Variants in TICAM1 observed in about 807,000 individuals in gnomAD.
TICAM1 encodes TIR domain-containing adapter molecule 1.
For synonymous variants in TICAM1, 439 were observed against 415.4 expected (o/e 1.06, Z -0.69); for missense variants, 895 against 938.2 (o/e 0.95, Z 0.60).
rs2093588035 is a variant in TICAM1 at position 4,817,293 on chromosome 19, G to A, written c.1085C>T (p.Pro362Leu). 6.2e-7 allele frequency: 1 copy of A among 1,613,532 alleles called. No homozygotes were observed. Among genetic ancestry groups the A allele is most frequent in the Non-Finnish European group, 8.5e-7 (1 of 1,179,914 alleles). The change falls in exon 2 of 2, where the codon CCT becomes CTT. Residue 362 changes from proline (P) to leucine (L), a missense_variant. By Grantham distance (98) the Pro-to-Leu change is moderately conservative. Transcript: ENST00000248244. The surrounding 1 kb of genome is among the most constrained non-coding windows in gnomAD (Gnocchi z 4.7). ...AGTAGATGAAGGAGGAGGAGGAGGA[G>A]GAGGAGGGGATGTTTCTGGGGTGGT... ...TPTTPETSPP[P>L]PPPPPSSTPC...
chr19:4,823,406 A>C lies in TICAM1; in HGVS notation c.-139-4890T>G, dbSNP rs192556760. Among the ~76,000 whole-genome samples, 207 of 150,676 alleles carry C rather than the reference A, an allele frequency of 1.4e-3. 1 individual carries two copies. The highest frequency in any genetic ancestry group is 4.9e-3 in the African/African-American group (201 of 40,846). On this transcript the variant is annotated intron_variant, in intron 1 of 1. Coordinates refer to ENST00000248244, the MANE Select transcript of TICAM1 (RefSeq NM_182919.4). ...CGTGAACCTGGGAGGCGGAGCTTACATTGAGCCAAGATAGCGCCACTGCAC... is the reference window on the plus strand; with the variant it reads ...CGTGAACCTGGGAGGCGGAGCTTACCTTGAGCCAAGATAGCGCCACTGCAC...
chr19:4,821,651 T>C (rs553611148), intron 1 of TICAM1, among the ~76,000 whole-genome samples: 1 of 151,804 alleles, frequency 6.6e-6, no homozygotes, highest in South Asian at 2.1e-4. Context: ...ACGATTTTTT[T>C]TTTTTTTTTT....
chr19:4,823,231 G>A (rs1432855748), intron 1 of TICAM1, among the ~76,000 whole-genome samples: 2 of 152,048 alleles, frequency 1.3e-5, no homozygotes, highest in Non-Finnish European at 1.5e-5. Context: ...TTGGGAGGCC[G>A]AGGTGGGCAG....
intron 1 of TICAM1, among the ~76,000 whole-genome samples, chr19:4,825,914 A>C (rs2093604761): frequency 1.3e-5 from 2 of 152,126 alleles, no homozygotes; most frequent in African/African-American, 4.8e-5. Flanking sequence ...AGCCAAGATC[A>C]CACCATTGCA....
At position 4,817,701 on chromosome 19, in the gene TICAM1, C is replaced by G. The variant is rs1297831092; in HGVS notation, c.677G>C (p.Gly226Ala). 1 of 1,592,492 alleles carries G rather than the reference C, an allele frequency of 6.3e-7. No homozygotes were observed. Among genetic ancestry groups the G allele is most frequent in the Non-Finnish European group, 8.5e-7 (1 of 1,170,848 alleles). Reference sequence around the variant, plus strand: ...GGGGTCGTCACAGAGCTTGCTGGGCCCATGTGGGCTGCGGTGCAGGCTGAG... The same window carrying G: ...GGGGTCGTCACAGAGCTTGCTGGGCGCATGTGGGCTGCGGTGCAGGCTGAG... ...PFLSLHRSPHGPSKLCDDPQA... is the reference protein window; with the variant it reads ...PFLSLHRSPHAPSKLCDDPQA... Residue 226 changes from glycine to alanine, a missense_variant, in exon 2 of 2, where the codon GGG (glycine) becomes GCG (alanine). Gly to Ala is a moderately conservative substitution (Grantham distance 60). Transcript: ENST00000248244. This position sits in a 1 kb window ranked among gnomAD's most constrained non-coding sequence, Gnocchi z 4.7.
chr19:4,831,164 G>C (rs756203786), intron 1 of TICAM1, among the ~76,000 whole-genome samples: 2 of 151,834 alleles, frequency 1.3e-5, no homozygotes, highest in African/African-American at 2.4e-5. Context: ...GAGGAATTTG[G>C]GGTATCAGGG....
At position 4,816,358 on chromosome 19, in the gene TICAM1, G is replaced by T. The variant is rs2146167027; in HGVS notation, c.2020C>A (p.Pro674Thr). 1 of 1,587,892 alleles carries T rather than the reference G, an allele frequency of 6.3e-7. No individual in the cohort carries two copies. Among genetic ancestry groups the T allele is most frequent in the East Asian group, 2.2e-5 (1 of 44,706 alleles). Residue 674 changes from proline (P) to threonine (T), a missense_variant, in exon 2 of 2, where the codon CCA becomes ACA. By Grantham distance (38) the Pro-to-Thr change is conservative. Transcript: ENST00000248244. This position sits in a 1 kb window ranked among gnomAD's most constrained non-coding sequence, Gnocchi z 4.3. The part of the protein sequence containing the change: ...PTASPAPPQS[P>T]GLQPLIIHHA... ...TGGATAATGAGGGGTTGCAGCCCTG[G>T]GCTCTGAGGGGGTGCGGGTGAGGCC... is the stretch of plus-strand genomic sequence containing the variant.
rs376421303 is a variant in TICAM1, at chr19:4,816,328, C to T, written c.2050G>A (p.Ala684Thr). Reference protein sequence around the residue: ...PGLQPLIIHHAQMVQLGLNNH... With the variant: ...PGLQPLIIHHTQMVQLGLNNH... ...TTCAGCCCCAGCTGTACCATCTGTG[C>T]GTGGTGGATAATGAGGGGTTGCAGC... Residue 684 changes from alanine (A) to threonine (T), a missense_variant, in exon 2 of 2, where the codon GCA becomes ACA. Coordinates refer to ENST00000248244, the MANE Select transcript of TICAM1 (RefSeq NM_182919.4). The surrounding 1 kb of genome is among the most constrained non-coding windows in gnomAD (Gnocchi z 4.3). 6 of 1,575,020 alleles carry T rather than the reference C, an allele frequency of 3.8e-6. No homozygotes were observed. The highest frequency in any genetic ancestry group is 5.2e-6 in the Non-Finnish European group (6 of 1,162,310).
At chr19:4,830,741 G>C (rs2093612522) in intron 1 of TICAM1, among the ~76,000 whole-genome samples, 1 of 152,232 alleles carries the variant, frequency 6.6e-6, no homozygotes, top group South Asian at 2.1e-4. Flanking sequence ...GGCTCTGAGA[G>C]ACTGGCTGGG....
rs753273529 is a variant in TICAM1, at chr19:4,817,864, G to A, written c.514C>T (p.Pro172Ser). The change falls in exon 2 of 2, where the codon CCC becomes TCC. Residue 172 changes from proline (P) to serine (S), a missense_variant. Physicochemically the swap from Pro to Ser is moderately conservative, Grantham distance 74. Transcript: ENST00000248244. The surrounding 1 kb of genome is among the most constrained non-coding windows in gnomAD (Gnocchi z 4.7). Reference protein sequence around the residue: ...LGCLPPSSALPSGTRSLPRPI... With the variant: ...LGCLPPSSALSSGTRSLPRPI... ...CGTGGGAGGCTCCTGGTCCCAGAGG[G>A]CAAAGCCGAGGATGGTGGGAGGCAG... 9.9e-6 allele frequency: 16 copies of A among 1,612,948 alleles called. No homozygotes were observed. In the African/African-American group the frequency reaches 2.1e-4, roughly 22 times the overall value.
At chr19:4,822,384 A>C (rs2093599173) in intron 1 of TICAM1, among the ~76,000 whole-genome samples, 1 of 151,728 alleles carries the variant, frequency 6.6e-6, no homozygotes, top group East Asian at 1.9e-4. Flanking sequence ...CTGGGACCAC[A>C]GGCACCCGCC....
intron 1 of TICAM1, among the ~76,000 whole-genome samples, chr19:4,831,111 G>A (rs2093613051): frequency 6.6e-6 from 1 of 151,752 alleles, no homozygotes; most frequent in Non-Finnish European, 1.5e-5. Context: ...CCTGGGTGTT[G>A]GGGAAGAATC....
chr19:4,826,011 A>G (rs2093604883), intron 1 of TICAM1, among the ~76,000 whole-genome samples: 1 of 151,696 alleles, frequency 6.6e-6, no homozygotes, highest in Non-Finnish European at 1.5e-5. Context: ...AATAAAAATA[A>G]TTAGCTGGGT....
rs756715938 is a variant in TICAM1, at chr19:4,816,950, G to A, written c.1428C>T (p.Asn476=). ...LHQVNQAMMS[N]LTRQGSPDCV... ...AGTCTGGCGACCCCTGTCGCGTGAG[G>A]TTGCTCATCATGGCTTGGTTCACCT... Residue 476 remains asparagine (N), a synonymous_variant, in exon 2 of 2, where the codon AAC becomes AAT. Transcript: ENST00000248244. The surrounding 1 kb of genome is among the most constrained non-coding windows in gnomAD (Gnocchi z 4.3). The A allele has an allele frequency of 1.2e-6, 2 of 1,614,050 alleles. No homozygotes were observed. The highest frequency in any genetic ancestry group is 3.3e-5 in the Admixed American group (2 of 60,012).
intron 1 of TICAM1, among the ~76,000 whole-genome samples, chr19:4,829,685 G>C (rs2093611101): frequency 1.3e-5 from 2 of 151,886 alleles, no homozygotes; most frequent in Non-Finnish European, 2.9e-5. Flanking sequence ...AAAAAGTTTA[G>C]ATCAGTGCCC....
chr19:4,825,203 C>T (rs1490073413), intron 1 of TICAM1, among the ~76,000 whole-genome samples: 1 of 151,864 alleles, frequency 6.6e-6, no homozygotes, highest in African/African-American at 2.4e-5. Flanking sequence ...TTGCTGGAAC[C>T]CGGGCGGCAG....
chr19:4,820,448 G>A (rs933210861), intron 1 of TICAM1, among the ~76,000 whole-genome samples: 7 of 151,556 alleles, frequency 4.6e-5, no homozygotes, highest in African/African-American at 1.5e-4. Context: ...TTTGGAGCCA[G>A]GCCTGGTGGT....
chr19:4,818,577 G>GGGGTGTGTGGGCCGCCTT lies in TICAM1; in HGVS notation c.-139-62_-139-61insAAGGCGGCCCACACACCC. 8.5e-7 allele frequency: 1 copy of GGGGTGTGTGGGCCGCCTT among 1,179,926 alleles called. No individual in the cohort carries two copies. The highest frequency in any genetic ancestry group is 1.1e-6 in the Non-Finnish European group (1 of 887,574). 73.1% of individuals were successfully genotyped at this position (1,179,926 alleles called of 1,614,324 possible). On this transcript the variant is annotated intron_variant, in intron 1 of 1. Coordinates refer to ENST00000248244, the MANE Select transcript of TICAM1 (RefSeq NM_182919.4). This position sits in a 1 kb window ranked among gnomAD's most constrained non-coding sequence, Gnocchi z 4.0. ...CAAGAAAGGTCAGCACGGGAAGGCG[G>GGGGTGTGTGGGCCGCCTT]CCCACACACCCCCGCCTGCTTTCCC...
intron 1 of TICAM1, among the ~76,000 whole-genome samples, chr19:4,827,179 C>T (rs2093606654): frequency 1.3e-5 from 2 of 150,648 alleles, no homozygotes; most frequent in African/African-American, 2.4e-5. Context: ...GGTGAAACCC[C>T]GTCTGTACTA....
Sources: allele counts gnomAD v4.1 joint callset (sites outside exome capture counted in the v4.1 genomes callset), GRCh38; gene constraint gnomAD v4.1.1; non-coding constraint Gnocchi (gnomAD v3.1); transcripts MANE v1.5; gene names NCBI Gene and HGNC (gene_info 2026-07-23, HGNC 2026-07-21).